FIP1L1: variants seen among roughly 807,000 people sequenced by gnomAD.
The protein encoded by FIP1L1 is pre-mRNA 3'-end-processing factor FIP1.
In FIP1L1, 21 loss-of-function variants were observed where a neutral mutation model predicts 84.6. That is an observed-to-expected ratio of 0.25 (90% CI 0.18 to 0.36). The LOEUF is 0.36. FIP1L1 is among the 10% of genes least tolerant of loss of function. The probability of loss-of-function intolerance (pLI) is 1.00; values close to 1 mark genes in which losing one functional copy is unlikely to be tolerated. For missense variants in FIP1L1, 526 were observed against 751.1 expected, an observed-to-expected ratio of 0.70 and a Z score of 3.50; for synonymous variants, 263 against 242.3, an observed-to-expected ratio of 1.09 and a Z score of -0.80.
chr4:53,385,462 C>T (rs1432774647), intron 5 of FIP1L1, among the ~76,000 whole-genome samples: 1 of 152,020 alleles, frequency 6.6e-6, no homozygotes, highest in Non-Finnish European at 1.5e-5. Flanking sequence ...CCTTTACACA[C>T]TTCAGATTTC....
Position 53,414,711 on chromosome 4 carries a change from A to G in FIP1L1, c.912A>G (p.Ser304=), listed in dbSNP as rs1487504683. 1.9e-6 allele frequency: 3 copies of G among 1,610,676 alleles called. No homozygotes were observed. The highest frequency in any genetic ancestry group is 3.3e-5 in the Admixed American group (2 of 59,954). Residue 304 remains serine (S), a synonymous_variant, in exon 11 of 18, where the codon TCA becomes TCG. Coordinates refer to ENST00000337488, the MANE Select transcript of FIP1L1 (RefSeq NM_030917.4). Reference sequence around the variant, plus strand: ...AGGATCGATATGGGAGGGCCGAATCACCTGATCTAAGGTAAGGCTATTTTT... The same window carrying G: ...AGGATCGATATGGGAGGGCCGAATCGCCTGATCTAAGGTAAGGCTATTTTT... ...KWQDRYGRAE[S]PDLRRLPGAI...
At chr4:53,394,917 C>T (rs1222474274) in intron 9 of FIP1L1, among the ~76,000 whole-genome samples, 1 of 151,904 alleles carries the variant, frequency 6.6e-6, no homozygotes, top group Non-Finnish European at 1.5e-5. Flanking sequence ...ACAAATGAAG[C>T]TGTGATAGGC....
At chr4:53,417,802 C>G (rs1760467622) in intron 11 of FIP1L1, among the ~76,000 whole-genome samples, 1 of 99,552 alleles carries the variant, frequency 1.0e-5, no homozygotes, top group East Asian at 3.3e-4. Context: ...CTCTCTCTCT[C>G]TCTCTCTCTC....
In FIP1L1 at chr4:53,417,757, ACACACACTCTCTCTCTCTCT is replaced by A. The variant is rs1339307965; in HGVS notation, c.923+3037_923+3056del. On this transcript the variant is annotated intron_variant, in intron 11 of 17. Coordinates refer to ENST00000337488, the MANE Select transcript of FIP1L1 (RefSeq NM_030917.4). The stretch of plus-strand genomic sequence containing the variant: ...TTTTTAAACACACACACACACACAC[ACACACACTCTCTCTCTCTCT>A]CTCTCTCTCTCTCTCTCTCTCTCTC... 5.3e-3 allele frequency among the ~76,000 whole-genome samples: 186 copies of A among 35,176 alleles called. 3 individuals carry two copies. The highest frequency in any genetic ancestry group is 0.019 in the Admixed American group (53 of 2,736). 23.1% of individuals were successfully genotyped at this position (35,176 alleles called of 152,430 possible).
At chr4:53,413,965 C>T (rs1251597026) in intron 10 of FIP1L1, among the ~76,000 whole-genome samples, 1 of 152,072 alleles carries the variant, frequency 6.6e-6, no homozygotes, top group African/African-American at 2.4e-5. Context: ...CATAAACAAG[C>T]AGATGCATAA....
chr4:53,447,888 C>A (rs1486518620), intron 15 of FIP1L1, among the ~76,000 whole-genome samples: 1 of 151,990 alleles, frequency 6.6e-6, no homozygotes, highest in Non-Finnish European at 1.5e-5. Context: ...TGACTGATAA[C>A]CATCACATGA....
At chr4:53,386,971 C>G (rs775882661) in intron 5 of FIP1L1, among the ~76,000 whole-genome samples, 1 of 152,154 alleles carries the variant, frequency 6.6e-6, no homozygotes, top group Non-Finnish European at 1.5e-5. Flanking sequence ...TGTATTCTCT[C>G]CCTTAGACAC....
At chr4:53,415,528 T>G (rs1159409793) in intron 11 of FIP1L1, among the ~76,000 whole-genome samples, 2 of 95,422 alleles carry the variant, frequency 2.1e-5, no homozygotes, top group East Asian at 4.7e-4. Context: ...TTTTGTTTTT[T>G]GTTTTTTTTT....
chr4:53,457,594 CCTGA>C (rs1165444060), intron 16 of FIP1L1, among the ~76,000 whole-genome samples: 3 of 151,994 alleles, frequency 2.0e-5, no homozygotes, highest in Admixed American at 6.6e-5. Context: ...ATAGTTGTCA[CCTGA>C]CTATGTTAAA....
chr4:53,392,054 G>A (rs949894217), intron 9 of FIP1L1, among the ~76,000 whole-genome samples: 1 of 152,222 alleles, frequency 6.6e-6, no homozygotes, highest in Admixed American at 6.5e-5. Context: ...GTAGGTTTAT[G>A]TGAGAGACTT....
At chr4:53,408,996 G>A (rs529547549) in intron 10 of FIP1L1, among the ~76,000 whole-genome samples, 5 of 152,242 alleles carry the variant, frequency 3.3e-5, no homozygotes, top group Admixed American at 2.0e-4. Context: ...CTCTCAACTC[G>A]TCAAAGGCAT....
intron 10 of FIP1L1, among the ~76,000 whole-genome samples, chr4:53,410,821 A>T (rs760214035): frequency 3.2e-4 from 48 of 152,212 alleles, no homozygotes; most frequent in Admixed American, 1.3e-3. Flanking sequence ...TACTGTGTTT[A>T]ATTATAAATT....
chr4:53,454,948 C>G (rs1467341876), intron 16 of FIP1L1, among the ~76,000 whole-genome samples: 1 of 152,164 alleles, frequency 6.6e-6, no homozygotes, highest in Non-Finnish European at 1.5e-5. Context: ...TTCTGGATAG[C>G]TTGGTGTAGC....
chr4:53,382,724 C>T (rs1447646318), intron 4 of FIP1L1, among the ~76,000 whole-genome samples: 4 of 152,148 alleles, frequency 2.6e-5, no homozygotes, highest in Non-Finnish European at 5.9e-5. Context: ...GCCTGCATGC[C>T]ATTGATACTT....
At chr4:53,435,772 T>G (rs770149968) in intron 13 of FIP1L1, among the ~76,000 whole-genome samples, 2 of 152,236 alleles carry the variant, frequency 1.3e-5, no homozygotes, top group Non-Finnish European at 2.9e-5. Context: ...TTTTGCCATA[T>G]TCTTTCTACA....
At chr4:53,403,010 G>A (rs561989326) in intron 10 of FIP1L1, among the ~76,000 whole-genome samples, 102 of 152,300 alleles carry the variant, frequency 6.7e-4, no homozygotes, top group African/African-American at 2.3e-3. Flanking sequence ...CACTTATCTG[G>A]TGAGAGTGAG....
At chr4:53,408,067 T>C (rs1170655580) in intron 10 of FIP1L1, among the ~76,000 whole-genome samples, 1 of 152,238 alleles carries the variant, frequency 6.6e-6, no homozygotes, top group Non-Finnish European at 1.5e-5. Context: ...TGCTCGTTAG[T>C]TGATGCAGTT....
At chr4:53,396,920 T>TC (rs1379672611) in intron 9 of FIP1L1, among the ~76,000 whole-genome samples, 6 of 151,660 alleles carry the variant, frequency 4.0e-5, no homozygotes, top group Non-Finnish European at 1.5e-5. Flanking sequence ...ATTGAGCATT[T>TC]TTTAACAAAA....
At chr4:53,395,145 A>C (rs1422888549) in intron 9 of FIP1L1, among the ~76,000 whole-genome samples, 1 of 152,206 alleles carries the variant, frequency 6.6e-6, no homozygotes, top group African/African-American at 2.4e-5. Context: ...CTGGTTAGAC[A>C]AATTTTGAGT....
Sources: gnomAD v4.1 joint callset for allele counts (sites outside exome capture counted in the v4.1 genomes callset) on GRCh38, gnomAD v4.1.1 for gene constraint, MANE v1.5 for transcripts, NCBI Gene and HGNC (gene_info 2026-07-23, HGNC 2026-07-21) for gene names.